LPAR6: variants seen among roughly 807,000 people sequenced by gnomAD.
LPAR6 encodes G-protein coupled purinergic receptor P2Y5.
A neutral mutation model predicts 22.0 loss-of-function variants in LPAR6; 17 were observed. The observed-to-expected ratio is 0.77, with a 90% confidence interval of 0.53 to 1.16. The LOEUF is 1.16. LPAR6 is among the 50% of genes most tolerant of loss of function. The pLI is 0.00. For missense variants in LPAR6, 384 were observed against 406.9 expected (o/e 0.94, Z 0.48); for synonymous variants, 136 against 139.8 (o/e 0.97, Z 0.19).
intron 1 of LPAR6, among the ~76,000 whole-genome samples, chr13:48,402,182 T>A (rs2138181921): frequency 6.6e-6 from 1 of 152,194 alleles, no homozygotes; most frequent in South Asian, 2.1e-4. Context: ...AAAATATAAT[T>A]TTTTTGCATT....
At position 48,413,104 on chromosome 13, in the gene LPAR6, C is replaced by T. The variant is rs1183460321; in HGVS notation, c.-681G>A. 2 of 167,016 alleles carry T rather than the reference C, an allele frequency of 1.2e-5. No homozygotes were observed. The highest frequency in any genetic ancestry group is 4.8e-5 in the African/African-American group (2 of 41,406). The allele number at this position is 167,016 out of a possible 1,614,324, so 10.3% of individuals were successfully genotyped here. On this transcript the variant is annotated 5_prime_UTR_variant, in exon 1 of 1. Transcript: ENST00000620633. ...TCAGTTGCCAGTTGTATCTTGAGGT[C>T]GCTTTCTCTGAAGTGAAAAAGAAAG...
upstream of LPAR6, among the ~76,000 whole-genome samples, chr13:48,416,911 C>A (rs1260894614): frequency 1.3e-5 from 2 of 152,172 alleles, no homozygotes; most frequent in African/African-American, 4.8e-5. Context: ...AAGGCAGCAG[C>A]CCCAGTCAGG....
intron 1 of LPAR6, among the ~76,000 whole-genome samples, chr13:48,441,849 A>G (rs1441046771): frequency 1.3e-5 from 2 of 152,312 alleles, no homozygotes; most frequent in African/African-American, 4.8e-5. Context: ...GGCAGGAATT[A>G]TTTAAAAATG....
At chr13:48,443,798 C>T (rs895229042) in intron 1 of LPAR6, among the ~76,000 whole-genome samples, 2 of 151,984 alleles carry the variant, frequency 1.3e-5, no homozygotes, top group African/African-American at 4.8e-5. Context: ...TTTTATATTG[C>T]TTATATACAT....
chr13:48,392,390 C>T (rs1185535601), intron 1 of LPAR6, among the ~76,000 whole-genome samples: 2 of 152,198 alleles, frequency 1.3e-5, no homozygotes, highest in Non-Finnish European at 2.9e-5. Flanking sequence ...GGATTACAAG[C>T]ATGAGCCACC....
downstream of LPAR6, among the ~76,000 whole-genome samples, chr13:48,408,125 A>AT (rs1948756223): frequency 6.6e-6 from 1 of 152,088 alleles, no homozygotes; most frequent in African/African-American, 2.4e-5. Flanking sequence ...CAATTTAGTG[A>AT]CTAATTTCTT....
upstream of LPAR6, among the ~76,000 whole-genome samples, chr13:48,429,803 A>G (rs561919144): frequency 1.8e-4 from 27 of 152,324 alleles, 2 homozygotes; most frequent in African/African-American, 6.5e-4. Flanking sequence ...AAAATATTCA[A>G]TTTACAGCAA....
chr13:48,422,473 C>A (rs1338388841), intron 2 of LPAR6, among the ~76,000 whole-genome samples: 1 of 152,124 alleles, frequency 6.6e-6, no homozygotes, highest in African/African-American at 2.4e-5. Context: ...ATGTAACAAA[C>A]CTGCACGTTC....
chr13:48,443,743 A>G (rs1478128647), intron 1 of LPAR6, among the ~76,000 whole-genome samples: 1 of 152,166 alleles, frequency 6.6e-6, no homozygotes. Context: ...TGCCTCCTTA[A>G]ATTTTCCATC....
chr13:48,430,104 C>T (rs1480149016), upstream of LPAR6, among the ~76,000 whole-genome samples: 2 of 152,174 alleles, frequency 1.3e-5, no homozygotes, highest in Non-Finnish European at 2.9e-5. Context: ...TTTGCATTCT[C>T]CACACCTTCA....
chr13:48,440,173 G>A (rs2138303659), intron 1 of LPAR6, among the ~76,000 whole-genome samples: 1 of 152,120 alleles, frequency 6.6e-6, no homozygotes, highest in East Asian at 1.9e-4. Flanking sequence ...GCTTCCTTGG[G>A]GACTCTGATA....
At chr13:48,417,846 C>T (rs1008310264), upstream of LPAR6, among the ~76,000 whole-genome samples, 9 of 152,198 alleles carry the variant, frequency 5.9e-5, no homozygotes, top group South Asian at 2.1e-4. Context: ...TGAAAAGAAA[C>T]GAACAAAGCC....
chr13:48,405,473 G>A (rs565418969), intron 1 of LPAR6, among the ~76,000 whole-genome samples: 2 of 152,204 alleles, frequency 1.3e-5, no homozygotes, highest in African/African-American at 4.8e-5. Flanking sequence ...CATCCTTGTT[G>A]GCCCATAGTT....
At chr13:48,395,792 A>G (rs1227852480) in intron 1 of LPAR6, among the ~76,000 whole-genome samples, 1 of 152,222 alleles carries the variant, frequency 6.6e-6, no homozygotes, top group African/African-American at 2.4e-5. Flanking sequence ...AGTGGAACCA[A>G]GTTAGAAAAC....
rs1457159018 is a variant in LPAR6 at position 48,412,551 on chromosome 13, T to C, written c.-128A>G. 4 of 715,804 alleles carry C rather than the reference T, an allele frequency of 5.6e-6. No homozygotes were observed. The highest frequency in any genetic ancestry group is 1.0e-5 in the Non-Finnish European group (4 of 395,326). The allele number at this position is 715,804 out of a possible 1,614,324, so 44.3% of individuals were successfully genotyped here. ...TTATCTGGATCTTTGGATGGTTTTA[T>C]AAATATTTCCTTTTTCTCAGAAATA... On this transcript the variant is annotated 5_prime_UTR_variant, in exon 1 of 1. Transcript: ENST00000620633.
Position 48,411,195 on chromosome 13 carries a change from G to A in LPAR6, c.*194C>T, listed in dbSNP as rs1337412687. The A allele has an allele frequency of 2.0e-6, 1 of 501,712 alleles. No homozygotes were observed. Among genetic ancestry groups the A allele is most frequent in the Non-Finnish European group, 3.6e-6 (1 of 281,268 alleles). 31.1% of individuals were successfully genotyped at this position (501,712 alleles called of 1,614,324 possible). A position where few individuals can be genotyped will look rare whatever the true frequency, so the allele number is the denominator to read the frequency against. On this transcript the variant is annotated 3_prime_UTR_variant, in exon 1 of 1. Coordinates refer to ENST00000620633, the MANE Select transcript of LPAR6 (RefSeq NM_001162498.3). ...AAATCAAAATGGCTCAGAAAAATCA[G>A]ATGGAGTGGATACACAAATAAAATA... is the stretch of plus-strand genomic sequence containing the variant.
In LPAR6 at chr13:48,420,130, A is replaced by C. The variant is rs116101360; in HGVS notation, c.-954+2520T>G. On this transcript the variant is annotated intron_variant, in intron 2 of 4. Coordinates refer to the LPAR6 transcript ENST00000345941. ...TATCCTTGATGAATATCGACGTGAA[A>C]ACCCTCAATAAAATACTGGCAAACT... Among the ~76,000 whole-genome samples, 555 of 152,348 alleles carry C rather than the reference A, an allele frequency of 3.6e-3. 7 individuals are homozygous for C. Among genetic ancestry groups the C allele is most frequent in the African/African-American group, 0.013 (533 of 41,574 alleles).
At chr13:48,392,504 T>C (rs1006597823) in intron 1 of LPAR6, among the ~76,000 whole-genome samples, 3 of 152,182 alleles carry the variant, frequency 2.0e-5, no homozygotes, top group Non-Finnish European at 4.4e-5. Flanking sequence ...AGTTTATTAA[T>C]TTTTTTCTTC....
chr13:48,396,310 C>T (rs184905381), intron 1 of LPAR6, among the ~76,000 whole-genome samples: 1 of 151,856 alleles, frequency 6.6e-6, no homozygotes, highest in East Asian at 1.9e-4. Flanking sequence ...AATAAACCAA[C>T]GGAACAGAAC....
Sources: gnomAD v4.1 joint callset for allele counts (sites outside exome capture counted in the v4.1 genomes callset) on GRCh38, gnomAD v4.1.1 for gene constraint, MANE v1.5 for transcripts, NCBI Gene and HGNC (gene_info 2026-07-23, HGNC 2026-07-21) for gene names.